JPH3: variants seen among roughly 807,000 people sequenced by gnomAD.
JPH3 encodes the protein junctophilin 3.
JPH3 carries 11 observed loss-of-function variants against 59.6 expected under a neutral mutation model. That is an observed-to-expected ratio of 0.18 (90% CI 0.12 to 0.31). The LOEUF (loss-of-function observed/expected upper bound fraction) is 0.31. JPH3 is among the 10% of genes least tolerant of loss of function. The probability of loss-of-function intolerance (pLI) is 1.00; values close to 1 mark genes in which losing one functional copy is unlikely to be tolerated. For synonymous variants in JPH3, 673 were observed against 483.6 expected (o/e 1.39, Z -5.14); for missense variants, 1,202 against 1,105.7 (o/e 1.09, Z -1.24).
At chr16:87,621,163 G>GGAAAGA (rs2031171668) in intron 1 of JPH3, among the ~76,000 whole-genome samples, 1 of 151,534 alleles carries the variant, frequency 6.6e-6, no homozygotes, top group African/African-American at 2.4e-5. Context: ...TGTCTCAAAA[G>GGAAAGA]GAAAAAGAAA....
intron 1 of JPH3, among the ~76,000 whole-genome samples, chr16:87,621,401 T>C (rs1352373866): frequency 6.6e-6 from 1 of 152,150 alleles, no homozygotes; most frequent in Non-Finnish European, 1.5e-5. Flanking sequence ...GCAAGGGGCT[T>C]CAGGGTGGTC....
At chr16:87,669,944 G>A (rs879389079) in intron 2 of JPH3, among the ~76,000 whole-genome samples, 19 of 152,282 alleles carry the variant, frequency 1.2e-4, no homozygotes, top group Middle Eastern at 3.4e-3. Context: ...CCGTGGGTGT[G>A]CCTGCCCGCC....
intron 2 of JPH3, among the ~76,000 whole-genome samples, chr16:87,646,864 G>A (rs923929187): frequency 2.0e-5 from 3 of 152,182 alleles, no homozygotes; most frequent in African/African-American, 7.2e-5. Context: ...TTATTTCACA[G>A]CCTTGGCACT....
At chr16:87,615,155 C>T (rs569817940) in intron 1 of JPH3, among the ~76,000 whole-genome samples, 4 of 152,334 alleles carry the variant, frequency 2.6e-5, no homozygotes, top group Admixed American at 6.5e-5. Context: ...CACAGGTTCC[C>T]GGGGACCCAT....
At chr16:87,605,507 G>A (rs1234129024) in intron 1 of JPH3, among the ~76,000 whole-genome samples, 1 of 152,208 alleles carries the variant, frequency 6.6e-6, no homozygotes, top group African/African-American at 2.4e-5. Context: ...AAGGAGCGGC[G>A]ATTATGTTGT....
intron 1 of JPH3, among the ~76,000 whole-genome samples, chr16:87,619,644 A>G (rs1597239345): frequency 6.6e-6 from 1 of 152,180 alleles, no homozygotes; most frequent in Non-Finnish European, 1.5e-5. Context: ...GTCCTCGGAC[A>G]CCACGACGGC....
chr16:87,675,094 G>C (rs904420885), intron 2 of JPH3, among the ~76,000 whole-genome samples: 1 of 152,058 alleles, frequency 6.6e-6, no homozygotes, highest in South Asian at 2.1e-4. Context: ...AAAATATCCA[G>C]CCACAATCCC....
At chr16:87,667,402 T>C (rs12596047) in intron 2 of JPH3, among the ~76,000 whole-genome samples, 61,398 of 152,158 alleles carry the variant, frequency 0.4, 12,732 homozygotes, top group East Asian at 0.53. Flanking sequence ...CAGTGGAGAC[T>C]GTGTCATGCT....
In JPH3 at chr16:87,696,692, G is replaced by C. The variant is rs182038089; in HGVS notation, c.*32G>C. On this transcript the variant is annotated 3_prime_UTR_variant, in exon 5 of 5. Transcript: ENST00000284262. ...GTCGCGGTAGCAAAAATAGAGAAAG[G>C]GTAGAAAAAAGGGACATTAAAATTA... The C allele has an allele frequency of 6.7e-5, 105 of 1,568,406 alleles. No homozygotes were observed. In the East Asian group the frequency reaches 1.3e-3, roughly 20 times the overall value.
At position 87,689,816 on chromosome 16, in the gene JPH3, G is replaced by T. The variant is rs2033514389; in HGVS notation, c.1456G>T (p.Ala486Ser). 2 of 1,574,248 alleles carry T rather than the reference G, an allele frequency of 1.3e-6. No individual in the cohort carries two copies. Among genetic ancestry groups the T allele is most frequent in the Non-Finnish European group, 1.7e-6 (2 of 1,160,998 alleles). The stretch of plus-strand genomic sequence containing the variant: ...GCAGAGCTTCCCCACCAGCCCCGCG[G>T]CCACCCCGCCGCCCGCGCCCGCCGC... ...PLQSFPTSPAATPPPAPAARN... is the reference protein window; with the variant it reads ...PLQSFPTSPASTPPPAPAARN... Residue 486 changes from alanine to serine, a missense_variant, in exon 4 of 5, where the codon GCC becomes TCC. Ala to Ser is a moderately conservative substitution (Grantham distance 99, BLOSUM62 1). Transcript: ENST00000284262.
intron 2 of JPH3, among the ~76,000 whole-genome samples, chr16:87,664,981 T>C (rs2032816809): frequency 6.6e-6 from 1 of 152,228 alleles, no homozygotes; most frequent in African/African-American, 2.4e-5. Flanking sequence ...ACCATGTGCA[T>C]CTTCAGAGCA....
intron 1 of JPH3, among the ~76,000 whole-genome samples, chr16:87,639,733 C>T (rs1021172133): frequency 2.6e-5 from 4 of 152,160 alleles, no homozygotes; most frequent in African/African-American, 9.7e-5. Context: ...CTGATGACTC[C>T]AGGGACCCCA....
chr16:87,641,924 C>T (rs191689267), intron 1 of JPH3, among the ~76,000 whole-genome samples: 249 of 152,126 alleles, frequency 1.6e-3, no homozygotes, highest in African/African-American at 5.7e-3. Context: ...CTGGATGCCG[C>T]GGGTGCCGGG....
intron 1 of JPH3, among the ~76,000 whole-genome samples, chr16:87,628,962 C>A (rs1402243976): frequency 6.6e-6 from 1 of 152,138 alleles, no homozygotes; most frequent in Non-Finnish European, 1.5e-5. Flanking sequence ...ACAAATCAGC[C>A]AGAGTTACTG....
intron 1 of JPH3, among the ~76,000 whole-genome samples, chr16:87,621,645 C>T (rs577308603): frequency 6.6e-6 from 1 of 152,328 alleles, no homozygotes; most frequent in South Asian, 2.1e-4. Flanking sequence ...GCAGCCAAGC[C>T]CCCGGAAGGC....
Position 87,689,887 on chromosome 16 carries a change from G to C in JPH3, c.1527G>C (p.Glu509Asp). 1 of 1,478,820 alleles carries C rather than the reference G, an allele frequency of 6.8e-7. No individual in the cohort carries two copies. Among genetic ancestry groups the C allele is most frequent in the East Asian group, 2.5e-5 (1 of 40,312 alleles). 91.6% of individuals were successfully genotyped at this position (1,478,820 alleles called of 1,614,324 possible). A position where few individuals can be genotyped will look rare whatever the true frequency, so the allele number is the denominator to read the frequency against. ...TCTCGAGGCAGGTGTCGGTGGACGA[G>C]GAGCGGGGCGGGGACATCCAGATGC... ...AHFSRQVSVD[E>D]ERGGDIQMLL... Residue 509 changes from glutamate (E) to aspartate (D), a missense_variant, in exon 4 of 5, where the codon GAG becomes GAC. By Grantham distance (45) the Glu-to-Asp change is conservative. Coordinates refer to ENST00000284262, the MANE Select transcript of JPH3 (RefSeq NM_020655.4).
chr16:87,612,165 G>A (rs781479123), intron 1 of JPH3, among the ~76,000 whole-genome samples: 3 of 152,074 alleles, frequency 2.0e-5, no homozygotes, highest in South Asian at 2.1e-4. Context: ...TCCGTCTGTC[G>A]TCCTGGCGTG....
intron 2 of JPH3, among the ~76,000 whole-genome samples, chr16:87,671,699 C>A: frequency 6.6e-6 from 1 of 152,086 alleles, no homozygotes; most frequent in Non-Finnish European, 1.5e-5. Context: ...GGGTCCCCCA[C>A]CCCTTGGTGT....
chr16:87,680,023 A>C (rs912150701), intron 2 of JPH3, among the ~76,000 whole-genome samples: 5 of 152,106 alleles, frequency 3.3e-5, no homozygotes, highest in African/African-American at 9.7e-5. Context: ...TCCTCTGGGC[A>C]CCCGTTGGGG....
Sources: gnomAD v4.1 joint callset for allele counts (sites outside exome capture counted in the v4.1 genomes callset) on GRCh38, gnomAD v4.1.1 for gene constraint, MANE v1.5 for transcripts, NCBI Gene and HGNC (gene_info 2026-07-23, HGNC 2026-07-21) for gene names.